CPPED1: variants seen among roughly 807,000 people sequenced by gnomAD.
The protein encoded by CPPED1 is calcineurin like phosphoesterase domain containing 1.
A neutral mutation model predicts 28.0 loss-of-function variants in CPPED1; 28 were observed. That is an observed-to-expected ratio of 1.00 (90% CI 0.74 to 1.37). The LOEUF is 1.37. Ranked by LOEUF, CPPED1 falls within the 40% of genes most tolerant of loss-of-function variation. CPPED1 has a pLI of 0.00. For synonymous variants in CPPED1, 198 were observed against 180.2 expected, an observed-to-expected ratio of 1.10 and a Z score of -0.79; for missense variants, 504 against 416.5, an observed-to-expected ratio of 1.21 and a Z score of -1.83.
At chr16:12,689,315 T>C (rs1596446750) in intron 3 of CPPED1, among the ~76,000 whole-genome samples, 1 of 147,572 alleles carries the variant, frequency 6.8e-6, no homozygotes, top group East Asian at 2.0e-4. Context: ...CAACCTCGAA[T>C]TTATGGGCTC....
At chr16:12,762,312 T>G (rs1251816724) in intron 2 of CPPED1, among the ~76,000 whole-genome samples, 1 of 152,180 alleles carries the variant, frequency 6.6e-6, no homozygotes, top group Non-Finnish European at 1.5e-5. Context: ...GGGATATTAT[T>G]TAGTAATGGA....
In CPPED1 at chr16:12,706,026, T is replaced by C. The variant is rs183633450; in HGVS notation, c.290-977A>G. 4.7e-4 allele frequency among the ~76,000 whole-genome samples: 71 copies of C among 152,334 alleles called. 1 individual carries two copies. The highest frequency in any genetic ancestry group is 3.4e-3 in the Middle Eastern group (1 of 294). On this transcript the variant is annotated intron_variant, in intron 2 of 3. Coordinates refer to ENST00000381774, the MANE Select transcript of CPPED1 (RefSeq NM_018340.3). The stretch of plus-strand genomic sequence containing the variant: ...AAGGTTCACGTCATTTACTTTTAGT[T>C]ACATTGTTAGACGTGTAAGAGTTCA...
At chr16:12,745,250 C>T in intron 2 of CPPED1, among the ~76,000 whole-genome samples, 1 of 152,120 alleles carries the variant, frequency 6.6e-6, no homozygotes, top group South Asian at 2.1e-4. Context: ...GTTATGAATT[C>T]ACAGACTAAG....
At chr16:12,685,987 C>A (rs1358733965) in intron 3 of CPPED1, among the ~76,000 whole-genome samples, 1 of 152,196 alleles carries the variant, frequency 6.6e-6, no homozygotes, top group Non-Finnish European at 1.5e-5. Context: ...AGAAGCACAG[C>A]GGGTGTGCAG....
intron 2 of CPPED1, among the ~76,000 whole-genome samples, chr16:12,723,841 C>T (rs966324699): frequency 6.6e-6 from 1 of 152,120 alleles, no homozygotes; most frequent in African/African-American, 2.4e-5. Context: ...CCTCACTTCT[C>T]CCCACTGGTT....
intron 3 of CPPED1, among the ~76,000 whole-genome samples, chr16:12,681,167 G>A (rs1047576402): frequency 7.7e-6 from 1 of 129,932 alleles, no homozygotes; most frequent in Admixed American, 9.1e-5. Context: ...TTATTTCAAT[G>A]TGCCCCCCAA....
intron 3 of CPPED1, among the ~76,000 whole-genome samples, chr16:12,691,188 C>T (rs1490003973): frequency 6.6e-6 from 1 of 152,246 alleles, no homozygotes; most frequent in Non-Finnish European, 1.5e-5. Flanking sequence ...GCTGCAGTTT[C>T]CTTGTCTACA....
chr16:12,744,506 C>G (rs1455566589), intron 2 of CPPED1, among the ~76,000 whole-genome samples: 1 of 152,194 alleles, frequency 6.6e-6, no homozygotes, highest in African/African-American at 2.4e-5. Context: ...GAGACATGGA[C>G]TAGCAGGCTA....
Position 12,726,426 on chromosome 16 carries a change from T to C in CPPED1, c.290-21377A>G, listed in dbSNP as rs1009203036. On this transcript the variant is annotated intron_variant, in intron 2 of 3. Transcript: ENST00000381774. ...GGGGTGATCTCAGCTCACTACAATC[T>C]CTACCTCCTGGGTTCAAGCGATTCT... 2.0e-5 allele frequency among the ~76,000 whole-genome samples: 3 copies of C among 148,066 alleles called. No individual in the cohort carries two copies. In the South Asian group the frequency reaches 6.7e-4, roughly 33 times the overall value.
At chr16:12,689,953 C>T (rs185229217) in intron 3 of CPPED1, among the ~76,000 whole-genome samples, 2 of 152,342 alleles carry the variant, frequency 1.3e-5, no homozygotes, top group Admixed American at 6.5e-5. Context: ...TGAGTTGCTG[C>T]ATACTGGCAG....
At chr16:12,740,722 G>C (rs562902439) in intron 2 of CPPED1, among the ~76,000 whole-genome samples, 1 of 152,308 alleles carries the variant, frequency 6.6e-6, no homozygotes, top group South Asian at 2.1e-4. Flanking sequence ...GAGAATGCTG[G>C]GGGAGCAGGG....
intron 3 of CPPED1, among the ~76,000 whole-genome samples, chr16:12,699,255 C>A (rs907969812): frequency 6.6e-6 from 1 of 152,178 alleles, no homozygotes; most frequent in Non-Finnish European, 1.5e-5. Flanking sequence ...ATAACAGGTG[C>A]TGCTTCACAC....
chr16:12,766,603 G>A (rs2080441128), intron 2 of CPPED1, among the ~76,000 whole-genome samples: 1 of 152,008 alleles, frequency 6.6e-6, no homozygotes, highest in South Asian at 2.1e-4. Flanking sequence ...GATGTGGGTG[G>A]GGACACAGAG....
At chr16:12,666,268 C>T (rs1187615702) in intron 3 of CPPED1, among the ~76,000 whole-genome samples, 2 of 152,110 alleles carry the variant, frequency 1.3e-5, no homozygotes, top group Non-Finnish European at 2.9e-5. Flanking sequence ...AAAAACAAAA[C>T]AAATAGCTCT....
chr16:12,698,438 T>C (rs914653074), intron 3 of CPPED1, among the ~76,000 whole-genome samples: 1 of 152,164 alleles, frequency 6.6e-6, no homozygotes, highest in Non-Finnish European at 1.5e-5. Flanking sequence ...TGAATTTTTT[T>C]TATTTATTTT....
At position 12,664,740 on chromosome 16, in the gene CPPED1, A is replaced by G; in HGVS notation, c.*146T>C. 2 of 1,488,784 alleles carry G rather than the reference A, an allele frequency of 1.3e-6. No individual in the cohort carries two copies. Among genetic ancestry groups the G allele is most frequent in the East Asian group, 5.0e-5 (2 of 39,858 alleles). 92.2% of individuals were successfully genotyped at this position (1,488,784 alleles called of 1,614,324 possible). A position where few individuals can be genotyped will look rare whatever the true frequency, so the allele number is the denominator to read the frequency against. On this transcript the variant is annotated 3_prime_UTR_variant, in exon 4 of 4. Transcript: ENST00000381774. This position sits in a 1 kb window ranked among gnomAD's most constrained non-coding sequence, Gnocchi z 4.2. The stretch of plus-strand genomic sequence containing the variant: ...TGAATATAATTCAGGACAGGGCCCC[A>G]GCTCTCTGATTTATGCAAAAGGACA...
chr16:12,688,939 C>G (rs899512562), intron 3 of CPPED1, among the ~76,000 whole-genome samples: 4 of 152,164 alleles, frequency 2.6e-5, no homozygotes, highest in African/African-American at 9.7e-5. Flanking sequence ...AGACTGATTG[C>G]AGGCATTTGT....
At chr16:12,788,224 C>T (rs2080575888) in intron 1 of CPPED1, among the ~76,000 whole-genome samples, 2 of 152,136 alleles carry the variant, frequency 1.3e-5, no homozygotes, top group South Asian at 4.1e-4. Context: ...TCATTACAAT[C>T]AAGTTACCAG....
rs945047822 is a variant in CPPED1 at position 12,769,020 on chromosome 16, C to A, written c.289+12165G>T. Among the ~76,000 whole-genome samples, 11 of 152,166 alleles carry A rather than the reference C, an allele frequency of 7.2e-5. No homozygotes were observed. The East Asian group carries it at 2.1e-3, about 29-fold the overall frequency. On this transcript the variant is annotated intron_variant, in intron 2 of 3. Transcript: ENST00000381774. ...AGCTGGGATTACAGGCACATGCCCC[C>A]ACACCTGGCTAATTTTGTATTTTTA...
Sources: gnomAD v4.1 joint callset for allele counts (sites outside exome capture counted in the v4.1 genomes callset) on GRCh38, gnomAD v4.1.1 for gene constraint, Gnocchi (gnomAD v3.1) non-coding constraint, MANE v1.5 for transcripts, NCBI Gene and HGNC (gene_info 2026-07-23, HGNC 2026-07-21) for gene names.